LAYN: variants seen among roughly 807,000 people sequenced by gnomAD.
LAYN encodes layilin.
A neutral mutation model predicts 43.6 loss-of-function variants in LAYN; 38 were observed. That is an observed-to-expected ratio of 0.87 (90% CI 0.67 to 1.14). The LOEUF is 1.14. LAYN is among the 50% of genes most tolerant of loss of function. LAYN has a pLI of 0.00. For missense variants in LAYN, 479 were observed against 463.8 expected, an observed-to-expected ratio of 1.03 and a Z score of -0.30; for synonymous variants, 168 against 172.9, an observed-to-expected ratio of 0.97 and a Z score of 0.22.
chr11:111,542,545 G>C lies in LAYN; in HGVS notation c.86-1378G>C, dbSNP rs181320177. 6.5e-4 allele frequency among the ~76,000 whole-genome samples: 98 copies of C among 150,398 alleles called. 1 individual carries two copies. The highest frequency in any genetic ancestry group is 2.4e-3 in the African/African-American group (95 of 39,676). On this transcript the variant is annotated intron_variant, in intron 1 of 6. Coordinates refer to ENST00000375614, the MANE Select transcript of LAYN (RefSeq NM_178834.5). ...GGCCCCTTGCCCTATATGCTGGCCA[G>C]TGTTGGGAATTAATGAATGCTATCT...
At position 111,549,690 on chromosome 11, in the gene LAYN, C is replaced by T. The variant is rs778766157; in HGVS notation, c.456C>T (p.Pro152=). The stretch of plus-strand genomic sequence containing the variant: ...TCATGTACCATCAGCCATCGGCACC[C>T]GCTGGCATCGGAGGCCCCTACATGT... ...CVVMYHQPSA[P]AGIGGPYMFQ... Residue 152 remains proline, a synonymous_variant, in exon 3 of 7, where the codon CCC becomes CCT. Transcript: ENST00000375614. 12 of 1,603,106 alleles carry T rather than the reference C, an allele frequency of 7.5e-6. No homozygotes were observed. The South Asian group carries it at 1.0e-4, about 14-fold the overall frequency.
chr11:111,554,090 T>C (rs1398200707), intron 3 of LAYN, among the ~76,000 whole-genome samples: 2 of 152,178 alleles, frequency 1.3e-5, no homozygotes, highest in Non-Finnish European at 2.9e-5. Flanking sequence ...CTTTCACTAC[T>C]TGGAGATCAG....
At chr11:111,541,993 T>C (rs549889020) in intron 1 of LAYN, among the ~76,000 whole-genome samples, 1 of 152,278 alleles carries the variant, frequency 6.6e-6, no homozygotes, top group South Asian at 2.1e-4. Flanking sequence ...ACCCGCAGAC[T>C]TCGGATGTGT....
At chr11:111,555,386 C>T (rs74445621) in intron 5 of LAYN, 96 bp downstream of exon 5, 1 of 863,630 alleles carries the variant, frequency 1.2e-6, no homozygotes, top group Admixed American at 2.3e-5. Flanking sequence ...TTTCCCACAG[C>T]TACCTAAAAA....
chr11:111,546,105 G>T (rs1158044221), intron 2 of LAYN, among the ~76,000 whole-genome samples: 1 of 152,070 alleles, frequency 6.6e-6, no homozygotes, highest in Non-Finnish European at 1.5e-5. Context: ...CTAATAACAG[G>T]CTGGCTGGCA....
intron 6 of LAYN, among the ~76,000 whole-genome samples, chr11:111,559,233 G>C (rs1348288458): frequency 6.6e-6 from 1 of 152,060 alleles, no homozygotes; most frequent in African/African-American, 2.4e-5. Flanking sequence ...TTTATTTAGT[G>C]CTGGGTATAA....
At chr11:111,560,026 A>G in intron 6 of LAYN, 69 bp from the exon 7 acceptor site, 1 of 1,517,084 alleles carries the variant, frequency 6.6e-7, no homozygotes, top group South Asian at 1.3e-5. Flanking sequence ...TCTCGTCTCA[A>G]CAGGAAGCAC....
intron 5 of LAYN, among the ~76,000 whole-genome samples, chr11:111,557,053 C>G (rs1867859545): frequency 6.6e-6 from 1 of 151,942 alleles, no homozygotes; most frequent in Non-Finnish European, 1.5e-5. Context: ...CTTCTTTTTC[C>G]CTCTCTTTCC....
chr11:111,541,296 G>A, intron 1 of LAYN: 1 of 601,224 alleles, frequency 1.7e-6, no homozygotes, highest in South Asian at 2.0e-5. Flanking sequence ...GACCACCCCC[G>A]CGGGGCAGGC....
At chr11:111,550,075 G>A (rs1056690861) in intron 3 of LAYN, among the ~76,000 whole-genome samples, 2 of 152,194 alleles carry the variant, frequency 1.3e-5, no homozygotes, top group African/African-American at 4.8e-5. Flanking sequence ...CCTTTAAGTG[G>A]ACAGCCACAA....
intron 3 of LAYN, chr11:111,551,251 G>A (rs1353510496): frequency 9.0e-6 from 4 of 442,638 alleles, no homozygotes; most frequent in Non-Finnish European, 1.8e-5. Context: ...GCTGACGTGG[G>A]ATGGGGGCAT....
At chr11:111,549,811 C>T in intron 3 of LAYN, 36 bp downstream of exon 3, 1 of 1,566,266 alleles carries the variant, frequency 6.4e-7, no homozygotes, top group Non-Finnish European at 8.6e-7. Context: ...CGGCTGAATT[C>T]TCAACTTCTC....
chr11:111,560,547 C>A lies in LAYN; in HGVS notation c.*89C>A. 2 of 1,390,698 alleles carry A rather than the reference C, an allele frequency of 1.4e-6. No homozygotes were observed. The highest frequency in any genetic ancestry group is 1.5e-5 in the African/African-American group (1 of 68,928). 86.1% of individuals were successfully genotyped at this position (1,390,698 alleles called of 1,614,324 possible). A position where few individuals can be genotyped will look rare whatever the true frequency, so the allele number is the denominator to read the frequency against. The stretch of plus-strand genomic sequence containing the variant: ...TCTATAAGGAAAATACACAGAAGGT[C>A]TATGAACAAGCTTAGATCAGGTCCT... On this transcript the variant is annotated 3_prime_UTR_variant, in exon 7 of 7. Transcript: ENST00000375614.
At chr11:111,543,856 C>T in intron 1 of LAYN, 67 bp from the exon 2 acceptor site, 1 of 1,473,862 alleles carries the variant, frequency 6.8e-7, no homozygotes, top group South Asian at 1.4e-5. Flanking sequence ...CTTTGGATGC[C>T]TCCACGTATC....
chr11:111,545,075 T>TATA (rs34170562), intron 2 of LAYN, among the ~76,000 whole-genome samples: 1 of 148,806 alleles, frequency 6.7e-6, no homozygotes, highest in African/African-American at 2.5e-5. Flanking sequence ...TATATATATA[T>TATA]TTTTTACCTA....
At chr11:111,552,901 A>C (rs916293219) in intron 3 of LAYN, among the ~76,000 whole-genome samples, 15 of 152,104 alleles carry the variant, frequency 9.9e-5, no homozygotes, top group Admixed American at 6.5e-4. Context: ...ATGTCTCCTT[A>C]CTATTTTAAT....
rs1565259815 is a variant in LAYN, at chr11:111,540,836, G to A, written c.-8G>A. ...CCCGAGTGTCGGGGGGCGCACCCGA[G>A]TCGGGCCATGAGGCCGGGAACCGCG... On this transcript the variant is annotated 5_prime_UTR_variant, in exon 1 of 7. Coordinates refer to ENST00000375614, the MANE Select transcript of LAYN (RefSeq NM_178834.5). The A allele has an allele frequency of 1.3e-6, 2 of 1,522,908 alleles. No individual in the cohort carries two copies. The highest frequency in any genetic ancestry group is 1.8e-6 in the Non-Finnish European group (2 of 1,142,180). 94.3% of individuals were successfully genotyped at this position (1,522,908 alleles called of 1,614,324 possible).
intron 3 of LAYN, among the ~76,000 whole-genome samples, chr11:111,550,673 C>A (rs1867726457): frequency 6.6e-6 from 1 of 152,166 alleles, no homozygotes; most frequent in Admixed American, 6.6e-5. Flanking sequence ...CTCCAGTGAC[C>A]TGGCCCTCCC....
intron 1 of LAYN, among the ~76,000 whole-genome samples, chr11:111,543,073 T>C (rs1017803082): frequency 2.0e-5 from 3 of 152,184 alleles, no homozygotes; most frequent in African/African-American, 7.2e-5. Context: ...CAGTAAAACA[T>C]GAGCCTGGGG....
Sources: allele counts gnomAD v4.1 joint callset (sites outside exome capture counted in the v4.1 genomes callset), GRCh38; gene constraint gnomAD v4.1.1; transcripts MANE v1.5; gene names NCBI Gene and HGNC (gene_info 2026-07-23, HGNC 2026-07-21).